PIP4P2: variants seen among roughly 807,000 people sequenced by gnomAD.
The protein encoded by PIP4P2 is type 2 phosphatidylinositol 4,5-bisphosphate 4-phosphatase.
A neutral mutation model predicts 33.3 loss-of-function variants in PIP4P2; 19 were observed. The observed-to-expected ratio is 0.57, with a 90% confidence interval of 0.40 to 0.84. The LOEUF (loss-of-function observed/expected upper bound fraction) is 0.84. PIP4P2 is among the 40% of genes least tolerant of loss of function. PIP4P2 has a pLI of 0.00. For missense variants in PIP4P2, 270 were observed against 324.7 expected (o/e 0.83, Z 1.29); for synonymous variants, 110 against 111.9 (o/e 0.98, Z 0.11).
chr8:91,021,106 A>G, intron 2 of PIP4P2, 150 bp downstream of exon 2: 1 of 912,760 alleles, frequency 1.1e-6, no homozygotes, highest in South Asian at 1.8e-5. Flanking sequence ...TCCTATGATG[A>G]AAGAGAGACA....
chr8:91,001,905 A>G lies in PIP4P2; in HGVS notation c.540-5161T>C, dbSNP rs577947999. 2.6e-5 allele frequency among the ~76,000 whole-genome samples: 4 copies of G among 152,200 alleles called. No individual in the cohort carries two copies. In the South Asian group the frequency reaches 8.3e-4, roughly 32 times the overall value. On this transcript the variant is annotated intron_variant, in intron 5 of 6. Coordinates refer to ENST00000285419, the MANE Select transcript of PIP4P2 (RefSeq NM_018710.3). Reference sequence around the variant, plus strand: ...TTCGCAGGCTCCCTAGACTGATACTAACCCTAAACTTTAAGTCAGTTTCTG... The same window carrying G: ...TTCGCAGGCTCCCTAGACTGATACTGACCCTAAACTTTAAGTCAGTTTCTG...
intron 6 of PIP4P2, 58 bp from the exon 7 acceptor site, chr8:90,995,878 A>T (rs1811622626): frequency 6.6e-7 from 1 of 1,515,706 alleles, no homozygotes; most frequent in Non-Finnish European, 8.8e-7. Flanking sequence ...ATATCTGCTT[A>T]GGGAACTTGT....
intron 5 of PIP4P2, among the ~76,000 whole-genome samples, chr8:90,998,224 T>C (rs1811654887): frequency 6.6e-6 from 1 of 152,068 alleles, no homozygotes; most frequent in African/African-American, 2.4e-5. Context: ...ACTAAGCTTA[T>C]TAAAATTATG....
chr8:91,022,015 T>C (rs1302527880), intron 1 of PIP4P2, among the ~76,000 whole-genome samples: 1 of 152,018 alleles, frequency 6.6e-6, no homozygotes, highest in Non-Finnish European at 1.5e-5. Flanking sequence ...AAAACAAAAA[T>C]AAAGTAAATA....
At chr8:91,013,946 C>T (rs1321968878) in intron 4 of PIP4P2, among the ~76,000 whole-genome samples, 2 of 152,172 alleles carry the variant, frequency 1.3e-5, no homozygotes, top group Middle Eastern at 3.2e-3. Context: ...ACAAAGGAGA[C>T]ATATCCTACT....
chr8:91,007,764 C>G (rs369720306), intron 5 of PIP4P2, among the ~76,000 whole-genome samples: 1 of 152,150 alleles, frequency 6.6e-6, no homozygotes, highest in African/African-American at 2.4e-5. Flanking sequence ...CATTCCCTAA[C>G]TGGTAAGAGT....
intron 1 of PIP4P2, among the ~76,000 whole-genome samples, chr8:91,031,200 A>G (rs551356700): frequency 3.2e-4 from 48 of 152,342 alleles, no homozygotes; most frequent in African/African-American, 9.1e-4. Flanking sequence ...CTAGAACATG[A>G]CAACCAAATT....
intron 6 of PIP4P2, 144 bp downstream of exon 6, chr8:90,996,510 G>T: frequency 1.8e-6 from 1 of 559,994 alleles, no homozygotes. Flanking sequence ...GTTTCTGATT[G>T]CTCATAATCA....
intron 5 of PIP4P2, among the ~76,000 whole-genome samples, chr8:91,005,387 A>T (rs1021106611): frequency 3.9e-5 from 6 of 152,060 alleles, no homozygotes; most frequent in Non-Finnish European, 8.8e-5. Flanking sequence ...ATTCTCACTC[A>T]TCTTTTATAA....
rs1199705804 is a variant in PIP4P2, at chr8:90,995,471, A to G, written c.*206T>C. The G allele has an allele frequency of 2.4e-6, 1 of 423,640 alleles. No homozygotes were observed. Among genetic ancestry groups the G allele is most frequent in the Non-Finnish European group, 3.8e-6 (1 of 259,778 alleles). The allele number at this position is 423,640 out of a possible 1,614,324, so 26.2% of individuals were successfully genotyped here. Reference sequence around the variant, plus strand: ...TAAAAGAACATGAAAAGGCTTTATTATTCAAATTTTGAAAACCTAGCAGCA... The same window carrying G: ...TAAAAGAACATGAAAAGGCTTTATTGTTCAAATTTTGAAAACCTAGCAGCA... On this transcript the variant is annotated 3_prime_UTR_variant, in exon 7 of 7. Transcript: ENST00000285419.
chr8:91,012,155 T>G (rs1487538337), intron 4 of PIP4P2, among the ~76,000 whole-genome samples: 1 of 151,992 alleles, frequency 6.6e-6, no homozygotes, highest in Non-Finnish European at 1.5e-5. Context: ...AGATTCAGCC[T>G]GATTTTATCA....
chr8:91,014,518 C>T (rs934541605), intron 4 of PIP4P2, among the ~76,000 whole-genome samples: 5 of 151,990 alleles, frequency 3.3e-5, no homozygotes, highest in East Asian at 1.9e-4. Flanking sequence ...TGCACGATCA[C>T]GCCTGTATGT....
chr8:91,033,970 T>C (rs1410314238), intron 1 of PIP4P2, among the ~76,000 whole-genome samples: 1 of 151,954 alleles, frequency 6.6e-6, no homozygotes, highest in African/African-American at 2.4e-5. Context: ...AAATAGCAAG[T>C]GTTATACTTG....
chr8:91,008,754 G>A lies in PIP4P2; in HGVS notation c.528C>T (p.His176=). The change falls in exon 5 of 7, where the codon CAC becomes CAT. Residue 176 remains histidine, a synonymous_variant. Coordinates refer to ENST00000285419, the MANE Select transcript of PIP4P2 (RefSeq NM_018710.3). ...LRFNTLAKCP[H]CKKISSVGSA... The stretch of plus-strand genomic sequence containing the variant: ...GGTAGGGAACTTACATTTTTTTGCA[G>A]TGTGGGCATTTTGCCAGAGTGTTGA... The A allele has an allele frequency of 6.2e-7, 1 of 1,609,494 alleles. No homozygotes were observed. The highest frequency in any genetic ancestry group is 8.5e-7 in the Non-Finnish European group (1 of 1,176,866).
In PIP4P2 at chr8:90,994,435, T is replaced by C. The variant is rs7837371; in HGVS notation, c.*1242A>G. Reference sequence around the variant, plus strand: ...AATCAGTATCATAAATAATTTAAAATATTAGTCTTATCTCTGGAATCACCA... The same window carrying C: ...AATCAGTATCATAAATAATTTAAAACATTAGTCTTATCTCTGGAATCACCA... On this transcript the variant is annotated 3_prime_UTR_variant, in exon 7 of 7. Transcript: ENST00000285419. 2 of 152,308 alleles carry C rather than the reference T, an allele frequency of 1.3e-5. No homozygotes were observed. The highest frequency in any genetic ancestry group is 2.9e-5 in the Non-Finnish European group (2 of 67,958). The allele number at this position is 152,308 out of a possible 1,614,324, so 9.4% of individuals were successfully genotyped here.
intron 1 of PIP4P2, among the ~76,000 whole-genome samples, chr8:91,036,343 C>T (rs911735486): frequency 6.6e-6 from 1 of 152,152 alleles, no homozygotes; most frequent in Admixed American, 6.5e-5. Context: ...ATCTGAAATA[C>T]ATCATGTCTA....
At chr8:91,026,331 C>T (rs1259955349) in intron 1 of PIP4P2, among the ~76,000 whole-genome samples, 1 of 152,128 alleles carries the variant, frequency 6.6e-6, no homozygotes, top group Non-Finnish European at 1.5e-5. Context: ...TAGTTTTCAA[C>T]ATTCGCCAGA....
chr8:91,040,655 C>T lies in PIP4P2; in HGVS notation c.95G>A (p.Ser32Asn), dbSNP rs755850292. 2.0e-5 allele frequency: 32 copies of T among 1,613,650 alleles called. No homozygotes were observed. The highest frequency in any genetic ancestry group is 2.7e-5 in the Non-Finnish European group (32 of 1,180,034). Residue 32 changes from serine (S) to asparagine (N), a missense_variant, in exon 1 of 7, where the codon AGC becomes AAC. Ser to Asn is a conservative substitution (Grantham distance 46, BLOSUM62 1). Transcript: ENST00000285419. The part of the protein sequence containing the change: ...TPTAPPYLQE[S>N]SPRAELPPPY... ...TACGCTGGCCTTACCTCTGGGGCTG[C>T]TTTCTTGCAAGTACGGTGGGGCGGT...
chr8:91,032,204 T>C (rs1320936306), intron 1 of PIP4P2, among the ~76,000 whole-genome samples: 1 of 152,068 alleles, frequency 6.6e-6, no homozygotes, highest in Non-Finnish European at 1.5e-5. Flanking sequence ...GCACCTGAAG[T>C]CCAGAAAAAG....
Sources: gnomAD v4.1 joint callset for allele counts (sites outside exome capture counted in the v4.1 genomes callset) on GRCh38, gnomAD v4.1.1 for gene constraint, MANE v1.5 for transcripts, NCBI Gene and HGNC (gene_info 2026-07-23, HGNC 2026-07-21) for gene names.